Variants in PGBD2 observed in about 807,000 individuals in gnomAD.
PGBD2 encodes the protein piggyBac transposable element derived 2.
PGBD2 carries 6 observed loss-of-function variants against 8.1 expected under a neutral mutation model. The observed-to-expected ratio is 0.74, with a 90% CI of 0.40 to 1.46. The LOEUF is 1.46. PGBD2 is among the 40% of genes most tolerant of loss of function. PGBD2 has a pLI of 0.02. For missense variants in PGBD2, 802 were observed against 739.0 expected (o/e 1.09, Z -0.99); for synonymous variants, 318 against 272.2 (o/e 1.17, Z -1.66).
At chr1:248,900,612 A>G in the PGBD2 span, among the ~76,000 whole-genome samples, 1 of 152,212 alleles carries the variant, frequency 6.6e-6, no homozygotes, top group Non-Finnish European at 1.5e-5. Context: ...AGAGCCATAG[A>G]TGACAAACCC....
At chr1:248,924,793 T>C (rs12746903), downstream of PGBD2, among the ~76,000 whole-genome samples, 1,353 of 152,320 alleles carry the variant, frequency 8.9e-3, 15 homozygotes, top group Non-Finnish European at 0.015. Flanking sequence ...ACTGAGGTTT[T>C]CTTACTTGCT....
rs1182987909 is a variant in PGBD2 at position 248,917,335 on chromosome 1, C to T, written c.751C>T (p.Arg251Trp). 32 of 1,614,056 alleles carry T rather than the reference C, an allele frequency of 2.0e-5. No homozygotes were observed. The highest frequency in any genetic ancestry group is 6.7e-5 in the East Asian group (3 of 44,890). The change falls in exon 3 of 3, where the codon CGG becomes TGG. Residue 251 changes from arginine to tryptophan, a missense_variant. Physicochemically the swap from Arg to Trp is moderately radical, Grantham distance 101. Coordinates refer to ENST00000329291, the MANE Select transcript of PGBD2 (RefSeq NM_170725.3). Reference sequence around the variant, plus strand: ...TGCCAAGGTCAGACCTCTCATCATCCGGATGAACTGCAATTTCCAGAAGCA... The same window carrying T: ...TGCCAAGGTCAGACCTCTCATCATCTGGATGAACTGCAATTTCCAGAAGCA... Reference protein sequence around the residue: ...RFAKVRPLIIRMNCNFQKHAP... With the variant: ...RFAKVRPLIIWMNCNFQKHAP...
At chr1:248,892,243 TTCCCTCCCTCCCTCCC>T in the PGBD2 span, among the ~76,000 whole-genome samples, 1 of 99,976 alleles carries the variant, frequency 1.0e-5, no homozygotes, top group Non-Finnish European at 2.0e-5. Flanking sequence ...TGTTCCTTCC[TTCCCTCCCTCCCTCCC>T]TCCCTCCCTC....
chr1:248,896,544 A>C, the PGBD2 span, among the ~76,000 whole-genome samples: 1 of 152,158 alleles, frequency 6.6e-6, no homozygotes, highest in African/African-American at 2.4e-5. Context: ...TCCTGGGCTC[A>C]AGCAATCTTC....
chr1:248,908,451 C>T (rs181313613), intron 1 of PGBD2, among the ~76,000 whole-genome samples: 88 of 152,198 alleles, frequency 5.8e-4, no homozygotes, highest in African/African-American at 1.9e-3. Flanking sequence ...GAGGCTTCCC[C>T]GATCAGCTTT....
intron 1 of PGBD2, among the ~76,000 whole-genome samples, chr1:248,911,555 CT>C (rs1021523700): frequency 8.2e-5 from 12 of 145,708 alleles, no homozygotes; most frequent in African/African-American, 3.4e-4. Flanking sequence ...ATTTCTCAAT[CT>C]TTTCCCCACC....
chr1:248,910,871 T>C (rs1661847134), intron 1 of PGBD2, among the ~76,000 whole-genome samples: 1 of 152,130 alleles, frequency 6.6e-6, no homozygotes, highest in African/African-American at 2.4e-5. Context: ...TTTATTGTGG[T>C]ATAATTGACA....
At chr1:248,887,182 C>T in the PGBD2 span, among the ~76,000 whole-genome samples, 1 of 152,152 alleles carries the variant, frequency 6.6e-6, no homozygotes, top group Non-Finnish European at 1.5e-5. Flanking sequence ...AGTATTGTTT[C>T]CAAAACCAGA....
At chr1:248,903,240 C>T (rs1172213273), upstream of PGBD2, among the ~76,000 whole-genome samples, 2 of 152,010 alleles carry the variant, frequency 1.3e-5, no homozygotes, top group Non-Finnish European at 2.9e-5. Context: ...ATTCTGTCAC[C>T]TAGGTTGGAG....
the PGBD2 span, among the ~76,000 whole-genome samples, chr1:248,884,535 C>T: frequency 6.6e-6 from 1 of 152,212 alleles, no homozygotes; most frequent in South Asian, 2.1e-4. Flanking sequence ...TTAGTAGAGA[C>T]GGGGTTTCAC....
the PGBD2 span, among the ~76,000 whole-genome samples, chr1:248,873,385 C>A: frequency 2.6e-5 from 4 of 152,184 alleles, no homozygotes; most frequent in African/African-American, 9.7e-5. Context: ...GCGCGGTGGA[C>A]CTTGAGGGGA....
chr1:248,890,726 G>A, the PGBD2 span, among the ~76,000 whole-genome samples: 199 of 140,834 alleles, frequency 1.4e-3, 2 homozygotes, highest in East Asian at 0.034. Context: ...ACCCAGCTAC[G>A]CTACAGACCA....
At chr1:248,921,981 T>C (rs1662294563), downstream of PGBD2, among the ~76,000 whole-genome samples, 1 of 152,206 alleles carries the variant, frequency 6.6e-6, no homozygotes, top group South Asian at 2.1e-4. Context: ...ACATTGATTT[T>C]ATATCCTGAG....
downstream of PGBD2, among the ~76,000 whole-genome samples, chr1:248,924,299 G>A (rs570819291): frequency 6.6e-6 from 1 of 152,354 alleles, no homozygotes; most frequent in East Asian, 1.9e-4. Context: ...CTTCCAGCAC[G>A]TGGCGTGCAA....
At chr1:248,887,762 G>T in the PGBD2 span, among the ~76,000 whole-genome samples, 5 of 152,082 alleles carry the variant, frequency 3.3e-5, no homozygotes, top group African/African-American at 1.2e-4. Context: ...TTGCCATTAC[G>T]TTCAATGGCA....
the PGBD2 span, among the ~76,000 whole-genome samples, chr1:248,926,146 C>A: frequency 1.3e-5 from 2 of 151,952 alleles, no homozygotes; most frequent in Non-Finnish European, 2.9e-5. Context: ...GTGGTGATGC[C>A]CTGAAATTCA....
chr1:248,874,294 C>G, the PGBD2 span, among the ~76,000 whole-genome samples: 1 of 152,174 alleles, frequency 6.6e-6, no homozygotes, highest in African/African-American at 2.4e-5. Context: ...ACCGCCGCGG[C>G]CCGGGTTCGA....
In PGBD2 at chr1:248,918,419, T is replaced by TG; in HGVS notation, c.*58dup. 1 of 1,484,118 alleles carries TG rather than the reference T, an allele frequency of 6.7e-7. No individual in the cohort carries two copies. Among genetic ancestry groups the TG allele is most frequent in the Non-Finnish European group, 9.0e-7 (1 of 1,108,584 alleles). The allele number at this position is 1,484,118 out of a possible 1,614,324, so 91.9% of individuals were successfully genotyped here. A position where few individuals can be genotyped will look rare whatever the true frequency, so the allele number is the denominator to read the frequency against. On this transcript the variant is annotated 3_prime_UTR_variant, in exon 3 of 3. Coordinates refer to ENST00000329291, the MANE Select transcript of PGBD2 (RefSeq NM_170725.3). The stretch of plus-strand genomic sequence containing the variant: ...TGAGATGTTTACAGTTAAATACAGA[T>TG]GGCAGTTGAGCACTTCTGTTTTGTG...
chr1:248,923,571 G>C (rs985385173), downstream of PGBD2, among the ~76,000 whole-genome samples: 3 of 152,106 alleles, frequency 2.0e-5, no homozygotes, highest in Admixed American at 2.0e-4. Flanking sequence ...TCTCCCACTG[G>C]CTCTTAGCCA....
Sources: allele counts gnomAD v4.1 joint callset (sites outside exome capture counted in the v4.1 genomes callset), GRCh38; gene constraint gnomAD v4.1.1; transcripts MANE v1.5; gene names NCBI Gene and HGNC (gene_info 2026-07-23, HGNC 2026-07-21).